UGT1A7: variants seen among roughly 807,000 people sequenced by gnomAD.
UGT1A7 encodes UDP-glucuronosyltransferase 1A7.
Under a neutral mutation model 45.6 loss-of-function variants are expected in UGT1A7, and 33 were observed. The ratio of observed to expected loss-of-function variants is 0.72; its 90% CI spans 0.55 to 0.97. UGT1A7 has a LOEUF of 0.97. Ranked by LOEUF, UGT1A7 falls within the 50% of genes least tolerant of loss-of-function variation. The probability of loss-of-function intolerance (pLI) is 0.00; values close to 1 mark genes in which losing one functional copy is unlikely to be tolerated. For missense variants in UGT1A7, 684 were observed against 666.2 expected (o/e 1.03, Z -0.29); for synonymous variants, 274 against 250.6 (o/e 1.09, Z -0.88).
At chr2:233,725,591 T>G (rs1479177749) in intron 1 of UGT1A7, among the ~76,000 whole-genome samples, 1 of 152,130 alleles carries the variant, frequency 6.6e-6, no homozygotes, top group Non-Finnish European at 1.5e-5. Context: ...ACTTAACTAT[T>G]TGACATAGTT....
chr2:233,729,675 G>A, intron 1 of UGT1A7: 1 of 1,613,858 alleles, frequency 6.2e-7, no homozygotes, highest in Non-Finnish European at 8.5e-7. Flanking sequence ...TAGACTTTAA[G>A]GGCACACAGT....
At chr2:233,727,674 T>G (rs183043459) in intron 1 of UGT1A7, among the ~76,000 whole-genome samples, 1 of 152,276 alleles carries the variant, frequency 6.6e-6, no homozygotes, top group East Asian at 1.9e-4. Context: ...CCTTACAAAT[T>G]CCCAGGAATC....
At chr2:233,718,922 G>A (rs1204171284) in intron 1 of UGT1A7, 3 of 1,614,120 alleles carry the variant, frequency 1.9e-6, no homozygotes, top group Non-Finnish European at 2.5e-6. Context: ...TGTTGGTGGT[G>A]CCCACTGATG....
chr2:233,762,875 C>T (rs1698183827), intron 1 of UGT1A7, among the ~76,000 whole-genome samples: 1 of 152,150 alleles, frequency 6.6e-6, no homozygotes, highest in African/African-American at 2.4e-5. Flanking sequence ...TTGGTTTCTT[C>T]TCTTATAAAT....
chr2:233,725,184 GCA>G lies in UGT1A7; in HGVS notation c.856-41849_856-41848del, dbSNP rs1575560324. ...CATGAGAGGGAGACCGTGGGGAGAG[GCA>G]GAGGCAGAGGCAGAGGCAGAGGCAG... On this transcript the variant is annotated intron_variant, in intron 1 of 4. Transcript: ENST00000373426. Among the ~76,000 whole-genome samples, 4 of 89,466 alleles carry G rather than the reference GCA, an allele frequency of 4.5e-5. 2 individuals are homozygous for G. The highest frequency in any genetic ancestry group is 1.9e-4 in the Admixed American group (2 of 10,264). 58.7% of individuals were successfully genotyped at this position (89,466 alleles called of 152,430 possible).
At chr2:233,691,354 A>G in intron 1 of UGT1A7, 1 of 985,506 alleles carries the variant, frequency 1.0e-6, no homozygotes, top group Non-Finnish European at 1.2e-6. Flanking sequence ...CATGCCTTGA[A>G]CAATGAATTT....
chr2:233,757,680 A>G (rs1575754544), intron 1 of UGT1A7, among the ~76,000 whole-genome samples: 1 of 151,598 alleles, frequency 6.6e-6, no homozygotes, highest in South Asian at 2.1e-4. Context: ...AAGGAATTCA[A>G]GGGATTCAAG....
At chr2:233,762,959 A>G (rs910713716) in intron 1 of UGT1A7, among the ~76,000 whole-genome samples, 4 of 152,252 alleles carry the variant, frequency 2.6e-5, no homozygotes, top group African/African-American at 9.6e-5. Flanking sequence ...GCAATAGGAA[A>G]GATGCCCGTC....
At chr2:233,760,501 G>A (rs2125985080) in intron 1 of UGT1A7, 3 of 1,614,238 alleles carry the variant, frequency 1.9e-6, no homozygotes, top group Non-Finnish European at 2.5e-6. Flanking sequence ...CAGAGACGGA[G>A]CATTTTACAC....
intron 1 of UGT1A7, among the ~76,000 whole-genome samples, chr2:233,765,111 G>C (rs1698754315): frequency 6.6e-6 from 1 of 152,118 alleles, no homozygotes; most frequent in Non-Finnish European, 1.5e-5. Context: ...GGCTTCCTCA[G>C]GACTGTTCAG....
intron 1 of UGT1A7, among the ~76,000 whole-genome samples, chr2:233,695,248 C>G (rs1273194051): frequency 6.6e-6 from 1 of 151,840 alleles, no homozygotes; most frequent in East Asian, 1.9e-4. Flanking sequence ...GCCTCAGCCT[C>G]CTGAGTAGCT....
intron 1 of UGT1A7, among the ~76,000 whole-genome samples, chr2:233,765,077 C>T (rs1698745230): frequency 6.6e-6 from 1 of 152,130 alleles, no homozygotes; most frequent in South Asian, 2.1e-4. Context: ...TCCTGTGTCT[C>T]ACATCTAGGG....
intron 1 of UGT1A7, among the ~76,000 whole-genome samples, chr2:233,726,247 G>C (rs1198671452): frequency 6.6e-6 from 1 of 152,198 alleles, no homozygotes; most frequent in Non-Finnish European, 1.5e-5. Flanking sequence ...AATATGAAAA[G>C]CTGGGTGCAG....
intron 1 of UGT1A7, among the ~76,000 whole-genome samples, chr2:233,727,772 CAGTAGACG>C (rs1364688082): frequency 6.6e-6 from 1 of 152,208 alleles, no homozygotes; most frequent in Non-Finnish European, 1.5e-5. Context: ...GGGTGTCCCC[CAGTAGACG>C]CTTCCATTCA....
chr2:233,761,060 G>A, intron 1 of UGT1A7: 1 of 1,614,212 alleles, frequency 6.2e-7, no homozygotes, highest in Non-Finnish European at 8.5e-7. Flanking sequence ...CTGTTTAGAA[G>A]TGACTTTGTG....
At chr2:233,730,473 C>T (rs1012603500) in intron 1 of UGT1A7, among the ~76,000 whole-genome samples, 5 of 152,168 alleles carry the variant, frequency 3.3e-5, no homozygotes, top group African/African-American at 4.8e-5. Flanking sequence ...GAGACCTAGG[C>T]ACTCACATGA....
chr2:233,760,884 T>A, intron 1 of UGT1A7: 1 of 1,614,196 alleles, frequency 6.2e-7, no homozygotes, highest in African/African-American at 1.3e-5. Context: ...CTCTCTCCTC[T>A]CATTCAGATC....
In UGT1A7 at chr2:233,757,143, T is replaced by G. The variant is rs1451644825; in HGVS notation, c.856-9891T>G. ...GAGAGGAGGAATGAGCTTGGACAGG[T>G]GGGCTGGGGTCTATCCCAGAGTTTT... On this transcript the variant is annotated intron_variant, in intron 1 of 4. Coordinates refer to ENST00000373426, the MANE Select transcript of UGT1A7 (RefSeq NM_019077.3). 3.3e-5 allele frequency among the ~76,000 whole-genome samples: 5 copies of G among 150,656 alleles called. No individual in the cohort carries two copies. In the East Asian group the frequency reaches 7.9e-4, roughly 24 times the overall value.
At chr2:233,748,093 C>A (rs1693864089) in intron 1 of UGT1A7, 3 of 1,612,862 alleles carry the variant, frequency 1.9e-6, no homozygotes, top group African/African-American at 1.3e-5. Context: ...GGTGTTCGTG[C>A]CTTCATCCAA....
Sources: gnomAD v4.1 joint callset for allele counts (sites outside exome capture counted in the v4.1 genomes callset) on GRCh38, gnomAD v4.1.1 for gene constraint, MANE v1.5 for transcripts, NCBI Gene and HGNC (gene_info 2026-07-23, HGNC 2026-07-21) for gene names.